Variants in SLC22A25 observed in about 807,000 individuals in gnomAD.
SLC22A25 encodes the protein solute carrier family 22 member 25, also known as MGI:2442751, MGI:2385316, MGI:3042283, MGI:3645714, MGI:3605624, MGI:2442750.
SLC22A25 carries 44 observed loss-of-function variants against 45.9 expected under a neutral mutation model. The ratio of observed to expected loss-of-function variants is 0.96; its 90% CI spans 0.75 to 1.23. SLC22A25 has a LOEUF of 1.23. Among genes scored for constraint, SLC22A25 ranks in the 50% most tolerant of loss-of-function variants. The pLI is 0.00. For synonymous variants in SLC22A25, 283 were observed against 238.6 expected (o/e 1.19, Z -1.72); for missense variants, 800 against 666.4 (o/e 1.20, Z -2.21).
intron 1 of SLC22A25, among the ~76,000 whole-genome samples, chr11:63,241,849 T>A (rs2090254154): frequency 6.6e-6 from 1 of 152,210 alleles, no homozygotes; most frequent in South Asian, 2.1e-4. Flanking sequence ...CACCAGACTG[T>A]GCAGCTTAAA....
At chr11:63,206,268 A>G (rs953913619) in intron 7 of SLC22A25, among the ~76,000 whole-genome samples, 8 of 152,210 alleles carry the variant, frequency 5.3e-5, no homozygotes, top group East Asian at 3.8e-4. Flanking sequence ...TCAACATAGT[A>G]TTGGAAGTTC....
chr11:63,217,151 T>C (rs940295626), intron 7 of SLC22A25, among the ~76,000 whole-genome samples, 163 bp downstream of exon 7: 22 of 152,234 alleles, frequency 1.4e-4, no homozygotes, highest in Non-Finnish European at 3.2e-4. Flanking sequence ...CTTAATTTCA[T>C]CAGGAAACCC....
intron 5 of SLC22A25, among the ~76,000 whole-genome samples, chr11:63,218,421 G>C (rs2089774630): frequency 6.6e-6 from 1 of 152,062 alleles, no homozygotes; most frequent in Non-Finnish European, 1.5e-5. Flanking sequence ...CCTGGGTGAT[G>C]GGTTCATTCA....
At chr11:63,184,659 A>T (rs780593064) in intron 7 of SLC22A25, among the ~76,000 whole-genome samples, 2 of 152,144 alleles carry the variant, frequency 1.3e-5, no homozygotes, top group Non-Finnish European at 2.9e-5. Context: ...CTATCATCCA[A>T]TATCACCTAC....
chr11:63,198,252 C>T lies in SLC22A25; in HGVS notation c.831-14435G>A, dbSNP rs554125213. On this transcript the variant is annotated intron_variant, in intron 7 of 11. Transcript: ENST00000306494. The stretch of plus-strand genomic sequence containing the variant: ...TATATCCAAAGGATTATAAATCATG[C>T]TGCTATAAAGACACATGCACACATA... Among the ~76,000 whole-genome samples the T allele has an allele frequency of 2.6e-5, 4 of 152,310 alleles. No homozygotes were observed. In the South Asian group the frequency reaches 8.3e-4, roughly 32 times the overall value.
In SLC22A25 at chr11:63,158,887, C is replaced by T. The variant is rs957846861; in HGVS notation, c.*4937G>A. ...CTTTTTTCCCCCCATTAACTATTCC[C>T]ACTTCCCCTGAAGCACCCAATACCC... is the stretch of plus-strand genomic sequence containing the variant. On this transcript the variant is annotated 3_prime_UTR_variant, in exon 12 of 12. Transcript: ENST00000306494. Among the ~76,000 whole-genome samples the T allele has an allele frequency of 1.3e-5, 2 of 152,118 alleles. No individual in the cohort carries two copies. The highest frequency in any genetic ancestry group is 4.8e-5 in the African/African-American group (2 of 41,416).
chr11:63,187,753 A>G (rs2088619307), intron 7 of SLC22A25, among the ~76,000 whole-genome samples: 1 of 152,336 alleles, frequency 6.6e-6, no homozygotes, highest in South Asian at 2.1e-4. Context: ...TTTTAGGATG[A>G]AGAATTGTTG....
At chr11:63,197,967 T>G (rs1353195735) in intron 7 of SLC22A25, among the ~76,000 whole-genome samples, 2 of 151,966 alleles carry the variant, frequency 1.3e-5, no homozygotes, top group Non-Finnish European at 2.9e-5. Flanking sequence ...AAAAAACACA[T>G]GAAAAAATGC....
intron 7 of SLC22A25, among the ~76,000 whole-genome samples, chr11:63,209,910 T>C (rs992653693): frequency 5.9e-5 from 9 of 152,288 alleles, no homozygotes; most frequent in African/African-American, 1.7e-4. Flanking sequence ...CCCTAACCCA[T>C]GCCAGTTCAC....
intron 7 of SLC22A25, among the ~76,000 whole-genome samples, chr11:63,213,666 A>C (rs946614235): frequency 6.6e-6 from 1 of 152,170 alleles, no homozygotes; most frequent in African/African-American, 2.4e-5. Context: ...AAATACCTTG[A>C]ACCCAGCTAC....
intron 5 of SLC22A25, chr11:63,218,265 A>T: frequency 2.9e-6 from 1 of 345,448 alleles, no homozygotes; most frequent in Non-Finnish European, 5.6e-6. Flanking sequence ...CAAACATTAC[A>T]ATGTCCTCAA....
At chr11:63,242,942 C>T (rs531548806) in intron 1 of SLC22A25, 84 of 154,764 alleles carry the variant, frequency 5.4e-4, no homozygotes, top group Non-Finnish European at 2.0e-4. Context: ...TCTGCCCTCA[C>T]CTCTCCTCTG....
intron 5 of SLC22A25, among the ~76,000 whole-genome samples, chr11:63,226,967 C>A (rs577803996): frequency 1.3e-5 from 2 of 152,136 alleles, no homozygotes; most frequent in Non-Finnish European, 2.9e-5. Context: ...TGATTATTAA[C>A]TTATGGTCCA....
intron 11 of SLC22A25, 133 bp from the exon 12 acceptor site, chr11:63,164,206 T>A: frequency 1.6e-6 from 2 of 1,228,084 alleles, no homozygotes; most frequent in Non-Finnish European, 2.3e-6. Context: ...CTTTTGAAAT[T>A]TTCTCTTATT....
At chr11:63,220,866 A>G (rs2089837341) in intron 5 of SLC22A25, among the ~76,000 whole-genome samples, 1 of 152,214 alleles carries the variant, frequency 6.6e-6, no homozygotes, top group African/African-American at 2.4e-5. Flanking sequence ...GATAAGTGAG[A>G]ACATGTGAAG....
rs138188942 is a variant in SLC22A25, at chr11:63,166,231, G to T, written c.1098C>A (p.Gly366=). ...VRFASTIPFW[G]LTLHLQHLGN... ...CCAGATGCTGGAGGTGCAAAGTAAGGCCCCAAAAAGGGATGGTACTTGCAA... is the reference window on the plus strand; with the variant it reads ...CCAGATGCTGGAGGTGCAAAGTAAGTCCCCAAAAAGGGATGGTACTTGCAA... The change falls in exon 10 of 12, where the codon GGC becomes GGA. Residue 366 remains glycine (G), a synonymous_variant. Coordinates refer to ENST00000306494, the MANE Select transcript of SLC22A25 (RefSeq NM_199352.6). The T allele has an allele frequency of 6.2e-7, 1 of 1,613,882 alleles. No homozygotes were observed.
chr11:63,217,423 CA>C lies in SLC22A25; in HGVS notation c.720del (p.Ala241LeufsTer6), dbSNP rs1376495695. The stretch of plus-strand genomic sequence containing the variant: ...CCCAGGGTTATATGTCCAATACTAG[CA>C]GCACAAAGTGTCAATGTCAATGCCA... The part of the protein sequence containing the change: ...CAMALTLTLC[A>X]ASIGHITLGS... On this transcript the variant is annotated frameshift_variant, in exon 7 of 12. Transcript: ENST00000306494. LOFTEE classifies it high-confidence loss of function. The C allele has an allele frequency of 6.2e-7, 1 of 1,613,942 alleles. No homozygotes were observed. Among genetic ancestry groups the C allele is most frequent in the African/African-American group, 1.3e-5 (1 of 74,934 alleles).
intron 7 of SLC22A25, among the ~76,000 whole-genome samples, chr11:63,195,830 G>T (rs954114349): frequency 3.3e-5 from 5 of 152,046 alleles, no homozygotes; most frequent in African/African-American, 1.2e-4. Context: ...TTTTTGAAAA[G>T]ATCAACAAAA....
Position 63,162,875 on chromosome 11 carries a change from G to A in SLC22A25, c.*949C>T, listed in dbSNP as rs2087558710. ...GTCTCGATTTTTCCTTTATCTTGCT[G>A]TTTAATCAGCAATCAGCACCTGGAA... On this transcript the variant is annotated 3_prime_UTR_variant, in exon 12 of 12. Coordinates refer to ENST00000306494, the MANE Select transcript of SLC22A25 (RefSeq NM_199352.6). Among the ~76,000 whole-genome samples the A allele has an allele frequency of 6.6e-6, 1 of 151,996 alleles. No individual in the cohort carries two copies. Among genetic ancestry groups the A allele is most frequent in the Non-Finnish European group, 1.5e-5 (1 of 67,996 alleles).
Sources: allele counts gnomAD v4.1 joint callset (sites outside exome capture counted in the v4.1 genomes callset), GRCh38; gene constraint gnomAD v4.1.1; transcripts MANE v1.5; gene names NCBI Gene and HGNC (gene_info 2026-07-23, HGNC 2026-07-21).